Variants in PREX1 observed in about 807,000 individuals in gnomAD.
PREX1 encodes phosphatidylinositol-3,4,5-trisphosphate dependent Rac exchange factor 1, also known as phosphatidylinositol 3,4,5-trisphosphate-dependent Rac exchanger 1 protein.
PREX1 carries 41 observed loss-of-function variants against 198.3 expected under a neutral mutation model. The observed-to-expected ratio is 0.21, with a 90% confidence interval of 0.16 to 0.27. The LOEUF (loss-of-function observed/expected upper bound fraction) is 0.27. PREX1 is among the 10% of genes least tolerant of loss of function. The pLI, the probability that PREX1 is intolerant of heterozygous loss-of-function variation, is 1.00. For missense variants in PREX1, 1,620 were observed against 2,200.7 expected, an observed-to-expected ratio of 0.74 and a Z score of 5.28; for synonymous variants, 843 against 887.2, an observed-to-expected ratio of 0.95 and a Z score of 0.89.
At chr20:48,675,189 G>C (rs1416939524) in intron 14 of PREX1, among the ~76,000 whole-genome samples, 2 of 152,212 alleles carry the variant, frequency 1.3e-5, no homozygotes, top group African/African-American at 2.4e-5. Flanking sequence ...GCATCCCTTA[G>C]AAATGGGTGT....
intron 26 of PREX1, among the ~76,000 whole-genome samples, chr20:48,644,901 T>A (rs1173832218): frequency 6.6e-6 from 1 of 152,190 alleles, no homozygotes; most frequent in Non-Finnish European, 1.5e-5. Flanking sequence ...CTGGATTGGA[T>A]TCCCTACGGC....
upstream of PREX1, among the ~76,000 whole-genome samples, chr20:48,831,429 G>A (rs1380203606): frequency 6.6e-6 from 1 of 152,188 alleles, no homozygotes; most frequent in Non-Finnish European, 1.5e-5. Context: ...TCGGCCACAA[G>A]CATCTACTAC....
intron 1 of PREX1, among the ~76,000 whole-genome samples, chr20:48,781,187 G>A (rs771289335): frequency 1.3e-5 from 2 of 152,080 alleles, no homozygotes; most frequent in African/African-American, 4.8e-5. Context: ...TAAAAAGAAC[G>A]TTTGTAGGGA....
intron 2 of PREX1, among the ~76,000 whole-genome samples, chr20:48,746,941 AACACACACACACACACACACACACACAC>A (rs57506374): frequency 0.02 from 2,336 of 117,722 alleles, 54 homozygotes; most frequent in Middle Eastern, 0.092. Flanking sequence ...CCAGTGCATG[AACACACACACACACACACACACACACAC>A]ACACACACAC....
chr20:48,864,246 G>A, the PREX1 span, among the ~76,000 whole-genome samples: 2 of 152,180 alleles, frequency 1.3e-5, no homozygotes, highest in Non-Finnish European at 2.9e-5. Flanking sequence ...ATTCATTCAT[G>A]CCTTCACTTA....
At chr20:48,689,098 G>A (rs554264888) in intron 9 of PREX1, among the ~76,000 whole-genome samples, 11 of 152,356 alleles carry the variant, frequency 7.2e-5, no homozygotes, top group African/African-American at 2.6e-4. Context: ...TCAAGCTCTA[G>A]TGCTATGTTC....
At chr20:48,733,327 T>C (rs547734413) in intron 4 of PREX1, among the ~76,000 whole-genome samples, 1 of 152,346 alleles carries the variant, frequency 6.6e-6, no homozygotes, top group South Asian at 2.1e-4. Flanking sequence ...TGGGTAGACC[T>C]GACCCCACCT....
the PREX1 span, among the ~76,000 whole-genome samples, chr20:48,849,018 G>A: frequency 2.0e-5 from 3 of 151,884 alleles, no homozygotes; most frequent in South Asian, 4.1e-4. Flanking sequence ...GATTACAGGC[G>A]TGAGCCACCA....
intron 3 of PREX1, among the ~76,000 whole-genome samples, chr20:48,737,450 G>A (rs1199825440): frequency 6.6e-6 from 1 of 152,148 alleles, no homozygotes; most frequent in Non-Finnish European, 1.5e-5. Context: ...GGTCACTGCT[G>A]TGATGTCAAT....
chr20:48,724,538 G>T (rs776022145), intron 5 of PREX1, among the ~76,000 whole-genome samples: 1 of 152,230 alleles, frequency 6.6e-6, no homozygotes, highest in Non-Finnish European at 1.5e-5. Flanking sequence ...TAAAGGGCCA[G>T]ATGGTAAATA....
rs1003765233 is a variant in PREX1 at position 48,772,457 on chromosome 20, C to A, written c.220-24577G>T. ...CATGGCCATACCTGCAGAAGAGATG[C>A]CCCAGCCCAAGCAGTGCCATAGGAG... is the stretch of plus-strand genomic sequence containing the variant. On this transcript the variant is annotated intron_variant, in intron 1 of 39. Coordinates refer to ENST00000371941, the MANE Select transcript of PREX1 (RefSeq NM_020820.4). Among the ~76,000 whole-genome samples the A allele has an allele frequency of 1.3e-5, 2 of 152,164 alleles. 1 individual carries two copies. Among genetic ancestry groups the A allele is most frequent in the South Asian group, 4.1e-4 (2 of 4,832 alleles).
In PREX1 at chr20:48,649,320, T is replaced by C. The variant is rs1378600166; in HGVS notation, c.3285A>G (p.Gln1095=). 3.7e-6 allele frequency: 6 copies of C among 1,613,848 alleles called. No homozygotes were observed. The highest frequency in any genetic ancestry group is 3.3e-5 in the Admixed American group (2 of 60,018). ...KLDVALKEMK[Q]YVTQINRLLS... is the part of the protein sequence containing the mutation. The stretch of plus-strand genomic sequence containing the variant: ...CTCACCTGTTGATCTGGGTGACATA[T>C]TGCTTCATCTCCTTCAGGGCCACAT... Residue 1095 remains glutamine, a synonymous_variant, in exon 25 of 40, where the codon CAA becomes CAG. Transcript: ENST00000371941.
chr20:48,870,573 G>T, the PREX1 span, among the ~76,000 whole-genome samples: 1 of 152,198 alleles, frequency 6.6e-6, no homozygotes, highest in Admixed American at 6.5e-5. Flanking sequence ...TGAGGGTGGT[G>T]ACTGTGGATG....
At chr20:48,843,663 T>C in the PREX1 span, among the ~76,000 whole-genome samples, 2 of 152,220 alleles carry the variant, frequency 1.3e-5, no homozygotes, top group Non-Finnish European at 2.9e-5. Context: ...GAAAGTCCTT[T>C]GCAATATACC....
At chr20:48,859,020 C>A in the PREX1 span, among the ~76,000 whole-genome samples, 2 of 151,984 alleles carry the variant, frequency 1.3e-5, no homozygotes, top group Non-Finnish European at 2.9e-5. Flanking sequence ...CTCAGCCTCC[C>A]GAGTAGCTAG....
intron 1 of PREX1, among the ~76,000 whole-genome samples, chr20:48,820,359 G>A (rs2090479095): frequency 1.3e-5 from 2 of 152,174 alleles, no homozygotes; most frequent in Admixed American, 1.3e-4. Context: ...GGGAAACCAG[G>A]ACTCAGAGAG....
chr20:48,656,948 G>T (rs553633385), intron 18 of PREX1, 92 bp downstream of exon 18: 2 of 1,415,808 alleles, frequency 1.4e-6, no homozygotes, highest in East Asian at 5.0e-5. Flanking sequence ...TCCCAGCCAC[G>T]GGGGACCAGG....
chr20:48,736,429 C>A (rs144832004), intron 3 of PREX1, among the ~76,000 whole-genome samples: 1 of 152,230 alleles, frequency 6.6e-6, no homozygotes, highest in South Asian at 2.1e-4. Flanking sequence ...GACACATGCA[C>A]TGAGTCACAA....
chr20:48,657,200 C>G lies in PREX1; in HGVS notation c.1975-12G>C, dbSNP rs983115010. ...TGCAGGCCAGCCACCTGGGTAGGGA[C>G]GGCAGAGGACAGACGTGCACACCAG... is the stretch of plus-strand genomic sequence containing the variant. On this transcript the variant is annotated splice_polypyrimidine_tract_variant and intron_variant, in intron 17 of 39. Transcript: ENST00000371941. 1.1e-5 allele frequency: 17 copies of G among 1,612,966 alleles called. No individual in the cohort carries two copies. The highest frequency in any genetic ancestry group is 1.4e-5 in the Non-Finnish European group (17 of 1,179,292).
Sources: gnomAD v4.1 joint callset for allele counts (sites outside exome capture counted in the v4.1 genomes callset) on GRCh38, gnomAD v4.1.1 for gene constraint, MANE v1.5 for transcripts, NCBI Gene and HGNC (gene_info 2026-07-23, HGNC 2026-07-21) for gene names.